Variants in ABTB2 observed in about 807,000 individuals in gnomAD.
ABTB2 encodes the protein ankyrin repeat and BTB domain containing 2, also known as ankyrin repeat and BTB/POZ domain-containing protein 2.
ABTB2 carries 56 observed loss-of-function variants against 104.1 expected under a neutral mutation model. The ratio of observed to expected loss-of-function variants is 0.54; its 90% confidence interval spans 0.43 to 0.67. The LOEUF is 0.67. Among genes scored for constraint, ABTB2 ranks in the 30% least tolerant of loss-of-function variants. The probability of loss-of-function intolerance (pLI) is 0.00; values close to 1 mark genes in which losing one functional copy is unlikely to be tolerated. For missense variants in ABTB2, 1,279 were observed against 1,407.7 expected (o/e 0.91, Z 1.46); for synonymous variants, 606 against 608.2 (o/e 1.00, Z 0.05).
chr11:34,333,952 A>G (rs1855161583), intron 1 of ABTB2, among the ~76,000 whole-genome samples: 1 of 150,670 alleles, frequency 6.6e-6, no homozygotes, highest in South Asian at 2.2e-4. Flanking sequence ...CTGCAAGCAC[A>G]TGACTGATGT....
chr11:34,162,436 C>T (rs1852734605), intron 10 of ABTB2, 140 bp downstream of exon 10: 2 of 919,166 alleles, frequency 2.2e-6, no homozygotes, highest in South Asian at 3.4e-5. Flanking sequence ...AGCCTCCACC[C>T]AGTCTGTGCT....
At chr11:34,236,162 A>G (rs1220155127) in intron 1 of ABTB2, among the ~76,000 whole-genome samples, 1 of 152,126 alleles carries the variant, frequency 6.6e-6, no homozygotes, top group Non-Finnish European at 1.5e-5. Flanking sequence ...GAAAAAAGAG[A>G]CAGGGCTGGA....
intron 3 of ABTB2, among the ~76,000 whole-genome samples, chr11:34,174,522 ACAGCCTGTG>A (rs1359982475): frequency 6.6e-6 from 1 of 152,182 alleles, no homozygotes; most frequent in Non-Finnish European, 1.5e-5. Context: ...CGCCATGTGC[ACAGCCTGTG>A]CTGGGCCCTG....
intron 3 of ABTB2, 131 bp from the exon 4 acceptor site, chr11:34,173,438 C>G (rs901415806): frequency 8.6e-7 from 1 of 1,166,690 alleles, no homozygotes; most frequent in African/African-American, 1.6e-5. Context: ...GGGGGGCTCC[C>G]TGCTGGGCAG....
intron 1 of ABTB2, among the ~76,000 whole-genome samples, chr11:34,338,700 C>G (rs1855224191): frequency 6.6e-6 from 1 of 152,132 alleles, no homozygotes. Context: ...GAGACTTCCT[C>G]TCAAAACAAA....
chr11:34,298,027 A>C (rs1174709479), intron 1 of ABTB2, among the ~76,000 whole-genome samples: 1 of 151,710 alleles, frequency 6.6e-6, no homozygotes, highest in Non-Finnish European at 1.5e-5. Flanking sequence ...ACAACTGAAC[A>C]AGCTGGCACC....
intron 1 of ABTB2, among the ~76,000 whole-genome samples, chr11:34,307,837 C>G (rs747948456): frequency 6.6e-6 from 1 of 152,050 alleles, no homozygotes; most frequent in Non-Finnish European, 1.5e-5. Context: ...TAGCTGGGAT[C>G]ACAGGCACGC....
Position 34,152,320 on chromosome 11 carries a change from C to T in ABTB2, c.*67G>A. The T allele has an allele frequency of 1.3e-6, 2 of 1,498,584 alleles. No individual in the cohort carries two copies. Among genetic ancestry groups the T allele is most frequent in the Non-Finnish European group, 1.8e-6 (2 of 1,118,328 alleles). 92.8% of individuals were successfully genotyped at this position (1,498,584 alleles called of 1,614,324 possible). On this transcript the variant is annotated 3_prime_UTR_variant, in exon 17 of 17. Transcript: ENST00000435224. ...ACCTGGCTCCAAGAGGGCCTACAAC[C>T]ATACCCCGACATGGTGGGCCCTGGC...
intron 10 of ABTB2, among the ~76,000 whole-genome samples, 174 bp downstream of exon 10, chr11:34,162,402 C>G (rs1190473217): frequency 6.6e-6 from 1 of 152,216 alleles, no homozygotes; most frequent in African/African-American, 2.4e-5. Flanking sequence ...CCCTCCTGAA[C>G]TGGCCGTGTA....
chr11:34,315,231 C>T (rs1263129333), intron 1 of ABTB2, among the ~76,000 whole-genome samples: 2 of 152,220 alleles, frequency 1.3e-5, no homozygotes, highest in African/African-American at 4.8e-5. Context: ...CGAGGAGCCC[C>T]AAATTACCAC....
At chr11:34,322,941 G>A (rs2611142) in intron 1 of ABTB2, among the ~76,000 whole-genome samples, 29,315 of 152,084 alleles carry the variant, frequency 0.19, 3,107 homozygotes, top group South Asian at 0.26. Flanking sequence ...ATTGAGTCTC[G>A]CTCTATCGCC....
chr11:34,236,315 C>T (rs1853842628), intron 1 of ABTB2, among the ~76,000 whole-genome samples: 1 of 152,166 alleles, frequency 6.6e-6, no homozygotes, highest in South Asian at 2.1e-4. Context: ...TCTTCCTTTG[C>T]TCTTGTTGTA....
rs933557531 is a variant in ABTB2, at chr11:34,204,231, C to T, written c.1030+313G>A. ...TGAAACAGCCTCCCCAGGATGAAACCCAGGTCTGTGGCAAAGTGGGGAACA... is the reference window on the plus strand; with the variant it reads ...TGAAACAGCCTCCCCAGGATGAAACTCAGGTCTGTGGCAAAGTGGGGAACA... On this transcript the variant is annotated intron_variant, in intron 2 of 16. Transcript: ENST00000435224. Among the ~76,000 whole-genome samples the T allele has an allele frequency of 2.6e-5, 4 of 152,262 alleles. No homozygotes were observed. In the East Asian group the frequency reaches 7.7e-4, roughly 29 times the overall value.
rs1158095352 is a variant in ABTB2 at position 34,195,076 on chromosome 11, G to GGGGGGT, written c.1244+2248_1244+2249insACCCCC. 1.9e-4 allele frequency among the ~76,000 whole-genome samples: 7 copies of GGGGGGT among 37,458 alleles called. 1 individual carries two copies. Among genetic ancestry groups the GGGGGGT allele is most frequent in the Non-Finnish European group, 4.4e-4 (7 of 15,954 alleles). The allele number at this position is 37,458 out of a possible 152,430, so 24.6% of individuals were successfully genotyped here. On this transcript the variant is annotated intron_variant, in intron 3 of 16. Transcript: ENST00000435224. ...ACAGGACATGACAAAGATGCCCGGCGGGGGGGGGGAGTGGGGGCGGGAGAA... is the reference window on the plus strand; with the variant it reads ...ACAGGACATGACAAAGATGCCCGGCGGGGGGTGGGGGGGGGAGTGGGGGCGGGAGAA...
intron 1 of ABTB2, among the ~76,000 whole-genome samples, chr11:34,339,040 G>C (rs1245930729): frequency 2.0e-5 from 3 of 152,184 alleles, no homozygotes; most frequent in Non-Finnish European, 4.4e-5. Context: ...AGTTCTTACT[G>C]TGTGCCAAGC....
At chr11:34,237,659 C>A (rs1357153283) in intron 1 of ABTB2, among the ~76,000 whole-genome samples, 1 of 152,156 alleles carries the variant, frequency 6.6e-6, no homozygotes, top group Admixed American at 6.5e-5. Context: ...CTTTGGGAGG[C>A]CAAGGTGGGC....
At chr11:34,229,261 T>C (rs1853731991) in intron 1 of ABTB2, among the ~76,000 whole-genome samples, 1 of 151,580 alleles carries the variant, frequency 6.6e-6, no homozygotes, top group African/African-American at 2.4e-5. Context: ...GGTGGGCGGA[T>C]CACAAAGTCA....
intron 2 of ABTB2, 139 bp from the exon 3 acceptor site, chr11:34,197,677 C>A (rs1565138455): frequency 3.1e-6 from 2 of 639,802 alleles, no homozygotes; most frequent in South Asian, 4.0e-5. Flanking sequence ...TGCCCTGCAG[C>A]CAACAGGCGG....
chr11:34,183,283 T>C (rs906401305), intron 3 of ABTB2, among the ~76,000 whole-genome samples: 1 of 152,164 alleles, frequency 6.6e-6, no homozygotes, highest in Non-Finnish European at 1.5e-5. Context: ...GTGTTCTTTG[T>C]AAGGCGAGGT....
Sources: gnomAD v4.1 joint callset for allele counts (sites outside exome capture counted in the v4.1 genomes callset) on GRCh38, gnomAD v4.1.1 for gene constraint, MANE v1.5 for transcripts, NCBI Gene and HGNC (gene_info 2026-07-23, HGNC 2026-07-21) for gene names.